Variants in CCDC63 observed in about 807,000 individuals in gnomAD.
CCDC63 encodes the protein coiled-coil domain-containing protein 63.
CCDC63 carries 54 observed loss-of-function variants against 63.6 expected under a neutral mutation model. That is an observed-to-expected ratio of 0.85 (90% CI 0.68 to 1.07). CCDC63 has a LOEUF of 1.07. Among genes scored for constraint, CCDC63 ranks in the 50% least tolerant of loss-of-function variants. The pLI, the probability that CCDC63 is intolerant of heterozygous loss-of-function variation, is 0.00. For missense variants in CCDC63, 637 were observed against 689.6 expected (o/e 0.92, Z 0.86); for synonymous variants, 253 against 266.1 (o/e 0.95, Z 0.48).
chr12:110,877,213 ATTTT>A (rs35327073), intron 5 of CCDC63, among the ~76,000 whole-genome samples: 1 of 138,650 alleles, frequency 7.2e-6, no homozygotes, highest in Non-Finnish European at 1.6e-5. Flanking sequence ...ATACAGTACA[ATTTT>A]TTTTTTTTTT....
intron 8 of CCDC63, among the ~76,000 whole-genome samples, chr12:110,891,233 C>G (rs1435683460): frequency 6.6e-6 from 1 of 151,290 alleles, no homozygotes; most frequent in Non-Finnish European, 1.5e-5. Flanking sequence ...ATCGCTTGAA[C>G]CCGAGAGGCA....
Position 110,866,707 on chromosome 12 carries a change from C to A in CCDC63, c.370-7135C>A, listed in dbSNP as rs1337071239. 1.3e-4 allele frequency among the ~76,000 whole-genome samples: 20 copies of A among 150,266 alleles called. No homozygotes were observed. In the East Asian group the frequency reaches 3.9e-3, roughly 30 times the overall value. ...GTGCAGAACAAAATGAAAAGTCTCC[C>A]ATGTCTACTTCTTTCTACACAGACA... On this transcript the variant is annotated intron_variant, in intron 4 of 11. Transcript: ENST00000308208.
At chr12:110,902,534 G>A (rs1338713066) in intron 10 of CCDC63, among the ~76,000 whole-genome samples, 2 of 151,934 alleles carry the variant, frequency 1.3e-5, no homozygotes, top group Non-Finnish European at 2.9e-5. Context: ...CTGCACTGAA[G>A]CTGCCCTGTC....
intron 8 of CCDC63, among the ~76,000 whole-genome samples, 190 bp from the exon 9 acceptor site, chr12:110,892,886 T>A (rs1744288529): frequency 6.6e-6 from 1 of 151,602 alleles, no homozygotes; most frequent in Non-Finnish European, 1.5e-5. Flanking sequence ...CTCACCCTCC[T>A]TTTACTTAAG....
chr12:110,865,735 T>A (rs2070938607), intron 4 of CCDC63, among the ~76,000 whole-genome samples: 1 of 152,222 alleles, frequency 6.6e-6, no homozygotes, highest in South Asian at 2.1e-4. Flanking sequence ...CATCTTCCCT[T>A]GCAGCTAAGG....
intron 5 of CCDC63, among the ~76,000 whole-genome samples, chr12:110,878,768 G>C (rs188426973): frequency 4.6e-5 from 7 of 152,318 alleles, no homozygotes; most frequent in Admixed American, 3.9e-4. Context: ...GAGAGGGATT[G>C]CTGGGTCATA....
Position 110,857,487 on chromosome 12 carries a change from CG to C in CCDC63, c.180-1098del, listed in dbSNP as rs1281831015. Among the ~76,000 whole-genome samples, 5 of 152,082 alleles carry C rather than the reference CG, an allele frequency of 3.3e-5. No homozygotes were observed. The East Asian group carries it at 9.6e-4, about 29-fold the overall frequency. ...AAAACTTTTGAAGCATCTGGACACT[CG>C]ATCCTGTAATAAAGCAGATTCTGAT... On this transcript the variant is annotated intron_variant, in intron 3 of 11. Coordinates refer to ENST00000308208, the MANE Select transcript of CCDC63 (RefSeq NM_152591.3).
intron 9 of CCDC63, among the ~76,000 whole-genome samples, chr12:110,897,431 A>T (rs12301180): frequency 4.0e-5 from 6 of 150,670 alleles, no homozygotes; most frequent in Admixed American, 2.0e-4. Context: ...CTACAAAATT[A>T]AAAAAAAACC....
chr12:110,867,997 GTC>G (rs2070998217), intron 4 of CCDC63, among the ~76,000 whole-genome samples: 1 of 142,954 alleles, frequency 7.0e-6, no homozygotes, highest in African/African-American at 2.7e-5. Flanking sequence ...CAGGCAGAGG[GTC>G]TCCTCACTTC....
At chr12:110,870,723 G>A (rs1229489539) in intron 4 of CCDC63, among the ~76,000 whole-genome samples, 3 of 152,050 alleles carry the variant, frequency 2.0e-5, no homozygotes, top group South Asian at 4.2e-4. Context: ...ATCAATGACC[G>A]CCCTGGTTGC....
chr12:110,873,261 GA>G (rs1213910398), intron 4 of CCDC63, among the ~76,000 whole-genome samples: 141 of 152,094 alleles, frequency 9.3e-4, no homozygotes, highest in Non-Finnish European at 7.4e-5. Flanking sequence ...AGTTTCAAAA[GA>G]AAATAAAAGT....
intron 4 of CCDC63, among the ~76,000 whole-genome samples, chr12:110,867,537 C>T (rs1476616955): frequency 1.5e-5 from 2 of 131,864 alleles, no homozygotes; most frequent in Admixed American, 7.1e-5. Flanking sequence ...CTGACCCCCC[C>T]ACCTCCCTCC....
chr12:110,878,735 A>C (rs2071163532), intron 5 of CCDC63, among the ~76,000 whole-genome samples: 1 of 152,080 alleles, frequency 6.6e-6, no homozygotes, highest in African/African-American at 2.4e-5. Flanking sequence ...TGGTGATTTT[A>C]TTTCCTTTGG....
chr12:110,906,222 A>T (rs1049561045), intron 11 of CCDC63, among the ~76,000 whole-genome samples: 2 of 138,012 alleles, frequency 1.4e-5, no homozygotes, highest in African/African-American at 2.8e-5. Context: ...CACAATGCAC[A>T]GGACAGCACT....
chr12:110,881,661 G>T (rs982626564), intron 7 of CCDC63, among the ~76,000 whole-genome samples: 15 of 151,894 alleles, frequency 9.9e-5, no homozygotes, highest in African/African-American at 3.6e-4. Flanking sequence ...GGCAGAGGTT[G>T]CAATGAGCCA....
At chr12:110,847,561 A>G (rs891117582) in intron 1 of CCDC63, among the ~76,000 whole-genome samples, 2 of 71,080 alleles carry the variant, frequency 2.8e-5, no homozygotes, top group Non-Finnish European at 5.8e-5. Flanking sequence ...ACGCTCTCAA[A>G]AAAGGAAAAA....
At chr12:110,894,977 C>T (rs939043350) in intron 9 of CCDC63, among the ~76,000 whole-genome samples, 7 of 152,280 alleles carry the variant, frequency 4.6e-5, no homozygotes, top group South Asian at 2.1e-4. Context: ...TGCAGTGGCG[C>T]GATCTCCGCT....
intron 4 of CCDC63, among the ~76,000 whole-genome samples, chr12:110,871,342 C>T (rs1315266953): frequency 6.6e-6 from 1 of 152,022 alleles, no homozygotes; most frequent in Non-Finnish European, 1.5e-5. Flanking sequence ...AGGGTTTCAC[C>T]GTGTTAGCTA....
chr12:110,866,653 A>G (rs1399978204), intron 4 of CCDC63, among the ~76,000 whole-genome samples: 4 of 151,574 alleles, frequency 2.6e-5, no homozygotes, highest in African/African-American at 9.7e-5. Flanking sequence ...ACAGATCAAC[A>G]GTATCCCAAG....
Sources: allele counts gnomAD v4.1 joint callset (sites outside exome capture counted in the v4.1 genomes callset), GRCh38; gene constraint gnomAD v4.1.1; transcripts MANE v1.5; gene names NCBI Gene and HGNC (gene_info 2026-07-23, HGNC 2026-07-21).